Variants in NEBL observed in about 807,000 individuals in gnomAD.
NEBL encodes the protein nebulette, also known as LIM and SH3 protein 2.
A neutral mutation model predicts 140.2 loss-of-function variants in NEBL; 122 were observed. The ratio of observed to expected loss-of-function variants is 0.87; its 90% CI spans 0.75 to 1.01. The LOEUF is 1.01. Ranked by LOEUF, NEBL falls within the 50% of genes least tolerant of loss-of-function variation. NEBL has a pLI of 0.00. For synonymous variants in NEBL, 436 were observed against 398.9 expected, an observed-to-expected ratio of 1.09 and a Z score of -1.11; for missense variants, 1,365 against 1,231.3, an observed-to-expected ratio of 1.11 and a Z score of -1.62.
intron 3 of NEBL, among the ~76,000 whole-genome samples, chr10:21,230,329 C>G (rs1842229376): frequency 6.6e-6 from 1 of 152,104 alleles, no homozygotes; most frequent in Non-Finnish European, 1.5e-5. Flanking sequence ...CTAACAACAC[C>G]TGTCCTAGGA....
chr10:21,048,345 A>C (rs1007885478), intron 2 of NEBL, among the ~76,000 whole-genome samples: 1 of 152,058 alleles, frequency 6.6e-6, no homozygotes, highest in African/African-American at 2.4e-5. Flanking sequence ...GAAAACATGT[A>C]AATACAGATG....
chr10:20,858,716 C>A (rs893020405), intron 8 of NEBL, among the ~76,000 whole-genome samples: 12 of 151,668 alleles, frequency 7.9e-5, no homozygotes, highest in Non-Finnish European at 1.5e-4. Context: ...TTGATGTTTC[C>A]CATCCTATCA....
chr10:20,999,348 G>A (rs1837795487), intron 3 of NEBL, among the ~76,000 whole-genome samples: 1 of 152,192 alleles, frequency 6.6e-6, no homozygotes, highest in Non-Finnish European at 1.5e-5. Flanking sequence ...TGTAATCTCA[G>A]CACTTTGGGA....
At chr10:21,006,310 T>C (rs1448059533) in intron 3 of NEBL, among the ~76,000 whole-genome samples, 6 of 152,226 alleles carry the variant, frequency 3.9e-5, no homozygotes, top group African/African-American at 1.2e-4. Context: ...AGGAGTGGAA[T>C]TGCCAGAACA....
chr10:20,798,206 T>C (rs563853114), intron 26 of NEBL, among the ~76,000 whole-genome samples: 1 of 151,314 alleles, frequency 6.6e-6, no homozygotes, highest in Non-Finnish European at 1.5e-5. Flanking sequence ...AGGGATAAAG[T>C]ACATGACAAA....
In NEBL at chr10:20,897,216, T is replaced by C. The variant is rs760686207; in HGVS notation, c.-11A>G. The C allele has an allele frequency of 2.6e-6, 4 of 1,551,178 alleles. No homozygotes were observed. In the East Asian group the frequency reaches 7.3e-5, roughly 28 times the overall value. On this transcript the variant is annotated 5_prime_UTR_variant, in exon 1 of 28. Coordinates refer to ENST00000377122, the MANE Select transcript of NEBL (RefSeq NM_006393.3). ...TACAGGGACCCTCATTTTTACCCTT[T>C]AAAATATTTATATTTTTAAAATTTA...
At chr10:21,182,603 A>G (rs980248381) in intron 3 of NEBL, among the ~76,000 whole-genome samples, 1 of 152,240 alleles carries the variant, frequency 6.6e-6, no homozygotes. Context: ...ATGTCCTCAG[A>G]AGAAAGCTCT....
At chr10:21,045,579 G>C (rs893931022) in intron 2 of NEBL, among the ~76,000 whole-genome samples, 1 of 152,054 alleles carries the variant, frequency 6.6e-6, no homozygotes, top group Admixed American at 6.6e-5. Context: ...GACATTTCTC[G>C]AAAGAAGACA....
intron 3 of NEBL, among the ~76,000 whole-genome samples, chr10:21,003,335 T>C (rs1036499381): frequency 6.6e-6 from 1 of 152,142 alleles, no homozygotes; most frequent in African/African-American, 2.4e-5. Context: ...AGCTCACACT[T>C]TTTCTCATGT....
chr10:21,163,153 T>C (rs1474766402), intron 2 of NEBL, among the ~76,000 whole-genome samples: 1 of 152,140 alleles, frequency 6.6e-6, no homozygotes, highest in Non-Finnish European at 1.5e-5. Context: ...TAAATGGAAG[T>C]GGATAGAAGA....
intron 1 of NEBL, among the ~76,000 whole-genome samples, chr10:21,280,619 C>CTTTTTTTTTT (rs554320752): frequency 7.1e-5 from 7 of 98,130 alleles, no homozygotes; most frequent in African/African-American, 2.4e-4. Context: ...TTTCTTTTTC[C>CTTTTTTTTTT]TTTTTTTTTT....
chr10:21,001,280 CAAGTA>C (rs1255325345), intron 3 of NEBL, among the ~76,000 whole-genome samples: 1 of 152,120 alleles, frequency 6.6e-6, no homozygotes, highest in Non-Finnish European at 1.5e-5. Context: ...GGAAAATCGG[CAAGTA>C]AAGAGAATGT....
intron 14 of NEBL, among the ~76,000 whole-genome samples, chr10:20,833,439 G>T (rs1840602393): frequency 1.3e-5 from 2 of 152,172 alleles, no homozygotes; most frequent in African/African-American, 4.8e-5. Context: ...CTGTCATTTA[G>T]GCAAAATGGG....
chr10:21,003,574 C>T (rs940988039), intron 3 of NEBL, among the ~76,000 whole-genome samples: 1 of 152,180 alleles, frequency 6.6e-6, no homozygotes, highest in Non-Finnish European at 1.5e-5. Flanking sequence ...TACCTAATAC[C>T]TACATCTGAA....
At chr10:21,181,377 T>C (rs1320880564) in intron 3 of NEBL, among the ~76,000 whole-genome samples, 5 of 145,222 alleles carry the variant, frequency 3.4e-5, no homozygotes, top group Admixed American at 2.1e-4. Flanking sequence ...AAAACCAAAG[T>C]GAAGGTAGCG....
At position 21,044,397 on chromosome 10, in the gene NEBL, TAAAAAAAAAAAA is replaced by T. The variant is rs57176129; in HGVS notation, c.165-24208_165-24197del. On this transcript the variant is annotated intron_variant, in intron 2 of 6. Transcript: ENST00000417816. ...GGGTGACTGGGTGACAGAGTAAGAA[TAAAAAAAAAAAA>T]AAAAAAAAAAAAAAAAAAGCTCCTA... Among the ~76,000 whole-genome samples, 9 of 34,866 alleles carry T rather than the reference TAAAAAAAAAAAA, an allele frequency of 2.6e-4. 1 individual carries two copies. The highest frequency in any genetic ancestry group is 2.4e-3 in the South Asian group (1 of 414). 22.9% of individuals were successfully genotyped at this position (34,866 alleles called of 152,430 possible). A position where few individuals can be genotyped will look rare whatever the true frequency, so the allele number is the denominator to read the frequency against.
chr10:21,003,457 TC>T (rs1837991981), intron 3 of NEBL, among the ~76,000 whole-genome samples: 1 of 152,216 alleles, frequency 6.6e-6, no homozygotes, highest in South Asian at 2.1e-4. Context: ...ATTGAAAGGA[TC>T]TTTTGTTATG....
chr10:20,856,839 GTATT>G (rs1268253675), intron 9 of NEBL, among the ~76,000 whole-genome samples: 1 of 151,954 alleles, frequency 6.6e-6, no homozygotes, highest in African/African-American at 2.4e-5. Context: ...TTTATTCTAT[GTATT>G]TATTTATTTT....
At chr10:20,820,977 C>T (rs12220495) in intron 19 of NEBL, among the ~76,000 whole-genome samples, 4,744 of 152,176 alleles carry the variant, frequency 0.031, 131 homozygotes, top group East Asian at 0.1. Context: ...CCTCTTTCCT[C>T]GATATGTAAC....
Sources: gnomAD v4.1 joint callset for allele counts (sites outside exome capture counted in the v4.1 genomes callset) on GRCh38, gnomAD v4.1.1 for gene constraint, MANE v1.5 for transcripts, NCBI Gene and HGNC (gene_info 2026-07-23, HGNC 2026-07-21) for gene names.